Variants in KNSTRN observed in about 807,000 individuals in gnomAD.
KNSTRN encodes the protein kinetochore localized astrin (SPAG5) binding protein.
In KNSTRN, 38 loss-of-function variants were observed where a neutral mutation model predicts 44.7. That is an observed-to-expected ratio of 0.85 (90% CI 0.66 to 1.11). The LOEUF is 1.11. KNSTRN is among the 50% of genes most tolerant of loss of function. The probability of loss-of-function intolerance (pLI) is 0.00; values close to 1 mark genes in which losing one functional copy is unlikely to be tolerated. For missense variants in KNSTRN, 406 were observed against 375.8 expected, an observed-to-expected ratio of 1.08 and a Z score of -0.66; for synonymous variants, 158 against 148.1, an observed-to-expected ratio of 1.07 and a Z score of -0.48.
chr15:40,391,368 G>A, intron 6 of KNSTRN, 125 bp from the exon 7 acceptor site: 2 of 719,472 alleles, frequency 2.8e-6, no homozygotes, highest in Admixed American at 2.5e-5. Flanking sequence ...AGAAAGTCCA[G>A]GATGAGACAC....
chr15:40,386,289 G>A, intron 2 of KNSTRN, 73 bp from the exon 3 acceptor site: 1 of 1,419,320 alleles, frequency 7.0e-7, no homozygotes, highest in Admixed American at 2.2e-5. Context: ...CTTCGAATGG[G>A]GCTCTGTTTG....
intron 2 of KNSTRN, chr15:40,384,480 A>G (rs1216044968): frequency 2.2e-6 from 1 of 455,912 alleles, no homozygotes; most frequent in Non-Finnish European, 4.4e-6. Flanking sequence ...TAATCCTGGC[A>G]CCAGCGGGGA....
intron 6 of KNSTRN, among the ~76,000 whole-genome samples, chr15:40,390,705 C>T (rs956146863): frequency 6.6e-6 from 1 of 151,940 alleles, no homozygotes; most frequent in Non-Finnish European, 1.5e-5. Context: ...ACCTCCTCCT[C>T]CTGGGTTCAA....
Position 40,389,915 on chromosome 15 carries a change from A to G in KNSTRN, c.671A>G (p.Lys224Arg), listed in dbSNP as rs1889970045. 1 of 1,614,078 alleles carries G rather than the reference A, an allele frequency of 6.2e-7. No individual in the cohort carries two copies. The highest frequency in any genetic ancestry group is 2.2e-5 in the East Asian group (1 of 44,888). ...AACTGTTTGGCAATTTTGGAGAGCA[A>G]GGGCCTTGATCCAGGTAAGAGACAG... ...RDNCLAILESKGLDPALGSET... is the reference protein window; with the variant it reads ...RDNCLAILESRGLDPALGSET... The change falls in exon 6 of 9, where the codon AAG becomes AGG. Residue 224 changes from lysine (K) to arginine (R), a missense_variant. Physicochemically the swap from Lys to Arg is conservative, Grantham distance 26. Transcript: ENST00000249776.
At chr15:40,389,379 G>A (rs1000323465) in intron 4 of KNSTRN, 127 bp from the exon 5 acceptor site, 3 of 658,492 alleles carry the variant, frequency 4.6e-6, no homozygotes, top group South Asian at 1.8e-5. Context: ...TTGATTTCCC[G>A]ACCTCAGGTG....
At chr15:40,383,406 CA>C (rs1889849491) in intron 2 of KNSTRN, 84 bp downstream of exon 2, 1 of 1,074,374 alleles carries the variant, frequency 9.3e-7, no homozygotes, top group Non-Finnish European at 1.4e-6. Flanking sequence ...GTGGCGCGGG[CA>C]CGGGGAAGGG....
At chr15:40,389,809 T>C in intron 5 of KNSTRN, 27 bp from the exon 6 acceptor site, 1 of 1,604,642 alleles carries the variant, frequency 6.2e-7, no homozygotes, top group Non-Finnish European at 8.5e-7. Context: ...GGACAATTCC[T>C]GATCTGTCTG....
At chr15:40,393,191 A>G (rs1890031281) in intron 8 of KNSTRN, 2 of 1,613,728 alleles carry the variant, frequency 1.2e-6, no homozygotes, top group Non-Finnish European at 1.7e-6. Flanking sequence ...GGACTGTTTC[A>G]GATTGCTTGG....
At position 40,393,771 on chromosome 15, in the gene KNSTRN, G is replaced by T; in HGVS notation, c.*174G>T. 1.8e-6 allele frequency: 1 copy of T among 560,280 alleles called. No individual in the cohort carries two copies. Among genetic ancestry groups the T allele is most frequent in the East Asian group, 3.8e-5 (1 of 26,268 alleles). The allele number at this position is 560,280 out of a possible 1,614,324, so 34.7% of individuals were successfully genotyped here. ...AAATGGCAATTCCTCATTTAAGCAA[G>T]TTTTCCCAACCTTCAGGTTGGTCAG... is the stretch of plus-strand genomic sequence containing the variant. On this transcript the variant is annotated 3_prime_UTR_variant, in exon 9 of 9. Coordinates refer to ENST00000249776, the MANE Select transcript of KNSTRN (RefSeq NM_033286.4).
rs201725853 is a variant in KNSTRN, at chr15:40,391,552, A to G, written c.745A>G (p.Met249Val). The change falls in exon 7 of 9, where the codon ATG becomes GTG. Residue 249 changes from methionine (M) to valine (V), a missense_variant and splice_region_variant. Transcript: ENST00000249776. ...ATCCACTACTGATCACATGGACTCT[A>G]TGGTGAGGGCATGGGTGTGAAAGGG... ...QESTTDHMDS[M>V]LLLETLQEEL... 1.5e-5 allele frequency: 24 copies of G among 1,612,884 alleles called. No individual in the cohort carries two copies. The highest frequency in any genetic ancestry group is 3.3e-4 in the Middle Eastern group (2 of 6,084).
Position 40,383,058 on chromosome 15 carries a change from G to T in KNSTRN, c.209+14G>T, listed in dbSNP as rs1487511008. 6.2e-7 allele frequency: 1 copy of T among 1,608,718 alleles called. No individual in the cohort carries two copies. ...GCGGGCTCCTGGGTTCGGCTCTCCCGGGGCGAGGGACTGGGCTGGATGGGA... is the reference window on the plus strand; with the variant it reads ...GCGGGCTCCTGGGTTCGGCTCTCCCTGGGCGAGGGACTGGGCTGGATGGGA... On this transcript the variant is annotated intron_variant, in intron 1 of 8. Transcript: ENST00000249776.
intron 8 of KNSTRN, 151 bp from the exon 9 acceptor site, chr15:40,393,318 A>G (rs758266561): frequency 1.2e-4 from 185 of 1,605,628 alleles, no homozygotes; most frequent in Non-Finnish European, 1.5e-4. Context: ...GCATAGAAAT[A>G]AAATCTAAAA....
chr15:40,383,588 T>C (rs1164630965), intron 2 of KNSTRN: 8 of 389,368 alleles, frequency 2.1e-5, no homozygotes, highest in African/African-American at 1.2e-4. Context: ...TATTGTACAA[T>C]GTTATTCCCA....
intron 4 of KNSTRN, 41 bp from the exon 5 acceptor site, chr15:40,389,465 A>T: frequency 6.7e-7 from 1 of 1,497,420 alleles, no homozygotes; most frequent in Non-Finnish European, 9.3e-7. Flanking sequence ...CCATACTGTT[A>T]ACCCTTTTAT....
At chr15:40,389,061 T>TA in intron 4 of KNSTRN, 1 of 387,058 alleles carries the variant, frequency 2.6e-6, no homozygotes, top group South Asian at 1.9e-5. Flanking sequence ...CTCAGGGAGG[T>TA]TATGCAACTC....
At chr15:40,393,427 T>G in intron 8 of KNSTRN, 42 bp from the exon 9 acceptor site, 1 of 1,603,734 alleles carries the variant, frequency 6.2e-7, no homozygotes, top group Non-Finnish European at 8.5e-7. Flanking sequence ...GTCAAGAGTT[T>G]TGTGTATGTG....
In KNSTRN at chr15:40,383,064, AG is replaced by A; in HGVS notation, c.209+23del. The A allele has an allele frequency of 6.2e-7, 1 of 1,608,098 alleles. No individual in the cohort carries two copies. ...TCCTGGGTTCGGCTCTCCCGGGGCG[AG>A]GGACTGGGCTGGATGGGAGGAAGGA... On this transcript the variant is annotated intron_variant, in intron 1 of 8. Coordinates refer to ENST00000249776, the MANE Select transcript of KNSTRN (RefSeq NM_033286.4).
intron 3 of KNSTRN, 84 bp from the exon 4 acceptor site, chr15:40,387,075 C>T (rs1056225386): frequency 1.1e-5 from 11 of 1,010,144 alleles, no homozygotes; most frequent in Non-Finnish European, 1.7e-5. Flanking sequence ...TCCTCAGAAA[C>T]TCAAGCTCTT....
At chr15:40,388,262 A>G (rs1889934802) in intron 4 of KNSTRN, among the ~76,000 whole-genome samples, 1 of 152,222 alleles carries the variant, frequency 6.6e-6, no homozygotes, top group Non-Finnish European at 1.5e-5. Flanking sequence ...AGTCATTAGC[A>G]TTGTTTCTAT....
Sources: allele counts gnomAD v4.1 joint callset (sites outside exome capture counted in the v4.1 genomes callset), GRCh38; gene constraint gnomAD v4.1.1; transcripts MANE v1.5; gene names NCBI Gene and HGNC (gene_info 2026-07-23, HGNC 2026-07-21).